ATP2B2: variants seen among roughly 807,000 people sequenced by gnomAD.
The protein encoded by ATP2B2 is plasma membrane calcium-transporting ATPase 2.
In ATP2B2, 15 loss-of-function variants were observed where a neutral mutation model predicts 120.0. The observed-to-expected ratio is 0.12, with a 90% CI of 0.08 to 0.19. The LOEUF is 0.19. Among genes scored for constraint, ATP2B2 ranks in the 10% least tolerant of loss-of-function variants. The probability of loss-of-function intolerance (pLI) is 1.00; values close to 1 mark genes in which losing one functional copy is unlikely to be tolerated. For synonymous variants in ATP2B2, 694 were observed against 700.3 expected (o/e 0.99, Z 0.14); for missense variants, 1,045 against 1,719.8 (o/e 0.61, Z 6.94).
intron 1 of ATP2B2, among the ~76,000 whole-genome samples, chr3:10,468,285 G>A (rs768808977): frequency 6.6e-6 from 1 of 152,248 alleles, no homozygotes; most frequent in Non-Finnish European, 1.5e-5. Flanking sequence ...GGCCCTTAGT[G>A]GGGCACAGTA....
intron 1 of ATP2B2, among the ~76,000 whole-genome samples, chr3:10,671,372 C>A (rs2071091866): frequency 6.6e-6 from 1 of 152,124 alleles, no homozygotes; most frequent in African/African-American, 2.4e-5. Flanking sequence ...ATGGGCTAGG[C>A]CATTACTTCT....
chr3:10,681,125 A>C (rs185068066), intron 1 of ATP2B2, among the ~76,000 whole-genome samples: 7 of 152,316 alleles, frequency 4.6e-5, no homozygotes, highest in African/African-American at 1.7e-4. Flanking sequence ...AGCTGAGCAG[A>C]CATTAGCATC....
At chr3:10,406,804 C>T (rs192263873) in intron 3 of ATP2B2, among the ~76,000 whole-genome samples, 1 of 152,260 alleles carries the variant, frequency 6.6e-6, no homozygotes, top group Non-Finnish European at 1.5e-5. Context: ...TTGCCACTGA[C>T]CAGCCCTGTC....
chr3:10,541,719 T>C (rs149929121), intron 2 of ATP2B2, among the ~76,000 whole-genome samples: 32 of 152,314 alleles, frequency 2.1e-4, no homozygotes, highest in Non-Finnish European at 4.0e-4. Context: ...TGTGGGCGCT[T>C]GAAAACAGCA....
At chr3:10,645,512 C>T (rs71316410) in intron 1 of ATP2B2, among the ~76,000 whole-genome samples, 6 of 152,224 alleles carry the variant, frequency 3.9e-5, no homozygotes, top group Non-Finnish European at 5.9e-5. Context: ...CATGTGTGGA[C>T]GCACACAGAT....
chr3:10,522,084 A>G (rs545819426), intron 3 of ATP2B2, among the ~76,000 whole-genome samples: 7 of 152,232 alleles, frequency 4.6e-5, no homozygotes, highest in Non-Finnish European at 1.0e-4. Context: ...GGGTGGGCAC[A>G]AGGCAGAAAG....
chr3:10,549,220 T>G (rs1280021426), intron 2 of ATP2B2, among the ~76,000 whole-genome samples: 2 of 152,156 alleles, frequency 1.3e-5, no homozygotes, highest in East Asian at 3.9e-4. Flanking sequence ...CATCACTAGG[T>G]AAGGTCAGAT....
At position 10,456,145 on chromosome 3, in the gene ATP2B2, G is replaced by A. The variant is rs115297430; in HGVS notation, c.-319-6283C>T. ...TTAACAAAGAAGGAATCTATCTTTC[G>A]AAGGAAGAATAAAAAAATAAACAAA... On this transcript the variant is annotated intron_variant, in intron 1 of 22. Coordinates refer to ENST00000360273, the MANE Select transcript of ATP2B2 (RefSeq NM_001001331.4). Among the ~76,000 whole-genome samples, 590 of 152,172 alleles carry A rather than the reference G, an allele frequency of 3.9e-3. 4 individuals are homozygous for A. Among genetic ancestry groups the A allele is most frequent in the African/African-American group, 0.013 (557 of 41,504 alleles).
chr3:10,439,461 A>C (rs2125133508), intron 2 of ATP2B2, among the ~76,000 whole-genome samples: 1 of 152,230 alleles, frequency 6.6e-6, no homozygotes, highest in South Asian at 2.1e-4. Context: ...GCAAAGACCA[A>C]CTTCGCCTAA....
intron 2 of ATP2B2, among the ~76,000 whole-genome samples, chr3:10,594,726 A>AATAATAATAATC (rs2068724187): frequency 6.6e-6 from 1 of 151,594 alleles, no homozygotes; most frequent in Non-Finnish European, 1.5e-5. Context: ...TAATAATAAT[A>AATAATAATAATC]ATAATAATAA....
chr3:10,394,950 G>A (rs1374147653), intron 5 of ATP2B2, among the ~76,000 whole-genome samples: 2 of 152,244 alleles, frequency 1.3e-5, no homozygotes, highest in East Asian at 3.9e-4. Context: ...ACTACAAGGA[G>A]GCAGGCTCCT....
intron 1 of ATP2B2, among the ~76,000 whole-genome samples, chr3:10,627,356 T>C (rs1195582624): frequency 6.6e-6 from 1 of 152,204 alleles, no homozygotes; most frequent in Admixed American, 6.5e-5. Context: ...ACTGGTGACA[T>C]GAGGTCAAGG....
At chr3:10,678,971 A>G (rs2071314232) in intron 1 of ATP2B2, among the ~76,000 whole-genome samples, 1 of 152,198 alleles carries the variant, frequency 6.6e-6, no homozygotes, top group African/African-American at 2.4e-5. Flanking sequence ...AGATTGTTGT[A>G]GGTGGGCCTG....
intron 2 of ATP2B2, among the ~76,000 whole-genome samples, chr3:10,605,474 G>C (rs185759268): frequency 1.3e-5 from 2 of 152,308 alleles, no homozygotes; most frequent in Admixed American, 6.5e-5. Flanking sequence ...ACAAGTCATG[G>C]ACCAGAGAGG....
chr3:10,480,639 G>T (rs1477786263), intron 1 of ATP2B2, among the ~76,000 whole-genome samples: 1 of 152,150 alleles, frequency 6.6e-6, no homozygotes, highest in Non-Finnish European at 1.5e-5. Flanking sequence ...CGCAGCCCCA[G>T]CCTAGACCCC....
rs551113880 is a variant in ATP2B2, at chr3:10,607,577, G to A, written c.-415+12340C>T. ...TCTAAATGATCCATTTCTAGGGTAG[G>A]CTCTGCACAACCAACCTGCTCAGTG... On this transcript the variant is annotated intron_variant, in intron 2 of 21. Coordinates refer to the ATP2B2 transcript ENST00000646379. 7.2e-5 allele frequency among the ~76,000 whole-genome samples: 11 copies of A among 152,320 alleles called. No homozygotes were observed. In the South Asian group the frequency reaches 2.3e-3, roughly 32 times the overall value.
At position 10,685,303 on chromosome 3, in the gene ATP2B2, G is replaced by A. The variant is rs962153253; in HGVS notation, c.-460+22612C>T. Among the ~76,000 whole-genome samples, 5 of 152,262 alleles carry A rather than the reference G, an allele frequency of 3.3e-5. No individual in the cohort carries two copies. In the East Asian group the frequency reaches 7.7e-4, roughly 24 times the overall value. ...ATAAGTGTGCTCGCTGGGACCAGAC[G>A]GGTCCTGAAGAGGTACAGAACAGAA... On this transcript the variant is annotated intron_variant, in intron 1 of 21. Transcript: ENST00000646379.
rs146495987 is a variant in ATP2B2, at chr3:10,375,602, T to G, written c.1244A>C (p.Tyr415Ser). 1.2e-6 allele frequency: 2 copies of G among 1,613,752 alleles called. No homozygotes were observed. The highest frequency in any genetic ancestry group is 1.7e-6 in the Non-Finnish European group (2 of 1,180,028). ...GACCACGAAGGTGTCCACAGTGAAG[T>G]AGAGCACCAGGATGATCACCGTGAT... ...SAITVIILVLYFTVDTFVVNK... is the reference protein window; with the variant it reads ...SAITVIILVLSFTVDTFVVNK... Residue 415 changes from tyrosine (Y) to serine (S), a missense_variant, in exon 11 of 23, where the codon TAC becomes TCC. Transcript: ENST00000360273. The surrounding 1 kb of genome is among the most constrained non-coding windows in gnomAD (Gnocchi z 4.2).
intron 2 of ATP2B2, among the ~76,000 whole-genome samples, chr3:10,571,900 T>C (rs2068136960): frequency 1.3e-5 from 2 of 152,204 alleles, no homozygotes; most frequent in South Asian, 4.1e-4. Flanking sequence ...TGGCTCCCAT[T>C]CCTGAGCCTC....
Sources: allele counts gnomAD v4.1 joint callset (sites outside exome capture counted in the v4.1 genomes callset), GRCh38; gene constraint gnomAD v4.1.1; non-coding constraint Gnocchi (gnomAD v3.1); transcripts MANE v1.5; gene names NCBI Gene and HGNC (gene_info 2026-07-23, HGNC 2026-07-21).